IRGM: variants seen among roughly 807,000 people sequenced by gnomAD.
The protein encoded by IRGM is immunity related GTPase M.
For missense variants in IRGM, 288 were observed against 219.9 expected (o/e 1.31, Z -1.96); for synonymous variants, 98 against 80.6 (o/e 1.22, Z -1.16).
At chr5:150,896,244 T>C in intron 3 of IRGM, 1 of 1,613,732 alleles carries the variant, frequency 6.2e-7, no homozygotes, top group Non-Finnish European at 8.5e-7. Context: ...AGAGAAGGCT[T>C]TTCCACATTC....
At chr5:150,853,570 T>C (rs569603561), downstream of IRGM, among the ~76,000 whole-genome samples, 1 of 152,218 alleles carries the variant, frequency 6.6e-6, no homozygotes. Context: ...GGTTAATATA[T>C]TTTGGAGATA....
intron 1 of IRGM, among the ~76,000 whole-genome samples, chr5:150,869,414 C>A (rs1230888901): frequency 6.6e-6 from 1 of 152,098 alleles, no homozygotes; most frequent in Non-Finnish European, 1.5e-5. Context: ...TATCTATGTT[C>A]ATCGGGGATA....
intron 3 of IRGM, chr5:150,898,361 C>G (rs1466880188): frequency 8.1e-6 from 13 of 1,611,642 alleles, no homozygotes; most frequent in Non-Finnish European, 1.1e-5. Flanking sequence ...ACAATCTAAT[C>G]ACAGCAACTA....
chr5:150,848,026 C>G lies in IRGM; in HGVS notation c.-98C>G. On this transcript the variant is annotated 5_prime_UTR_variant, in exon 2 of 2. In the 5' UTR this introduces an upstream ATG that the reference lacks. Coordinates refer to ENST00000522154, the MANE Select transcript of IRGM (RefSeq NM_001145805.2). The stretch of plus-strand genomic sequence containing the variant: ...CGATGTTGGCCAGGATGGTCTCAAT[C>G]TCCTGACCTCGTGATCTGCTCGCCT... 1.1e-6 allele frequency: 1 copy of G among 929,058 alleles called. No homozygotes were observed. The highest frequency in any genetic ancestry group is 1.6e-6 in the Non-Finnish European group (1 of 623,920). The allele number at this position is 929,058 out of a possible 1,614,324, so 57.6% of individuals were successfully genotyped here.
downstream of IRGM, among the ~76,000 whole-genome samples, chr5:150,852,234 G>A (rs545403743): frequency 2.6e-5 from 4 of 152,194 alleles, no homozygotes; most frequent in African/African-American, 9.6e-5. Flanking sequence ...TCAGCTTTTG[G>A]TGTACTTCTG....
chr5:150,873,725 T>C (rs982878238), intron 1 of IRGM, among the ~76,000 whole-genome samples: 8 of 152,198 alleles, frequency 5.3e-5, no homozygotes, highest in African/African-American at 1.9e-4. Context: ...ATACTTTGCA[T>C]CTGGCAGAAC....
At chr5:150,898,007 A>G in intron 3 of IRGM, 1 of 1,573,280 alleles carries the variant, frequency 6.4e-7, no homozygotes, top group Non-Finnish European at 8.6e-7. Context: ...AAGGATAGAA[A>G]CATAAACCTC....
chr5:150,860,182 A>G (rs867536290), intron 1 of IRGM, among the ~76,000 whole-genome samples: 2 of 152,238 alleles, frequency 1.3e-5, no homozygotes, highest in African/African-American at 2.4e-5. Flanking sequence ...AACGTCTCCT[A>G]TAACATTTTT....
chr5:150,867,855 T>C (rs1179631632), intron 1 of IRGM, among the ~76,000 whole-genome samples: 2 of 152,068 alleles, frequency 1.3e-5, no homozygotes, highest in African/African-American at 2.4e-5. Flanking sequence ...TGCTGATTTC[T>C]TTTAGTTCCT....
At chr5:150,859,952 T>G (rs1386109054) in intron 1 of IRGM, among the ~76,000 whole-genome samples, 1 of 152,162 alleles carries the variant, frequency 6.6e-6, no homozygotes, top group African/African-American at 2.4e-5. Flanking sequence ...ATCTTAACAG[T>G]CACCTAGGGG....
chr5:150,861,286 TCA>T (rs1491586025), intron 1 of IRGM, among the ~76,000 whole-genome samples: 1 of 152,016 alleles, frequency 6.6e-6, no homozygotes, highest in South Asian at 2.1e-4. Context: ...AGTGGCTCTC[TCA>T]GAGTTCCTTC....
intron 3 of IRGM, among the ~76,000 whole-genome samples, chr5:150,887,102 A>C (rs1754537068): frequency 6.6e-6 from 1 of 151,972 alleles, no homozygotes; most frequent in South Asian, 2.1e-4. Context: ...AGCTGGCTGA[A>C]ATGACAGAAA....
At position 150,875,478 on chromosome 5, in the gene IRGM, T is replaced by G. The variant is rs10067487; in HGVS notation, c.159-2502T>G. On this transcript the variant is annotated intron_variant and NMD_transcript_variant, in intron 1 of 3. Coordinates refer to the IRGM transcript ENST00000520549. Reference sequence around the variant, plus strand: ...GACAAAGAAATTTGGGAAATAGGTATGTGGATGGACCTCTCTGAGTGGTCA... The same window carrying G: ...GACAAAGAAATTTGGGAAATAGGTAGGTGGATGGACCTCTCTGAGTGGTCA... Among the ~76,000 whole-genome samples the G allele has an allele frequency of 1.8e-4, 28 of 152,264 alleles. No individual in the cohort carries two copies. In the South Asian group the frequency reaches 5.4e-3, roughly 29 times the overall value.
intron 3 of IRGM, among the ~76,000 whole-genome samples, chr5:150,898,978 A>G (rs189258088): frequency 1.2e-4 from 18 of 152,232 alleles, no homozygotes; most frequent in Non-Finnish European, 2.2e-4. Context: ...ATACCTAGCC[A>G]TATGAGGTAT....
At chr5:150,868,944 C>T (rs1325707804) in intron 1 of IRGM, among the ~76,000 whole-genome samples, 1 of 152,116 alleles carries the variant, frequency 6.6e-6, no homozygotes. Context: ...GACAGTTTGA[C>T]TTTCTCTTTA....
chr5:150,878,791 A>G (rs1431320736), intron 2 of IRGM, among the ~76,000 whole-genome samples: 1 of 151,686 alleles, frequency 6.6e-6, no homozygotes, highest in Non-Finnish European at 1.5e-5. Flanking sequence ...TTATATTATT[A>G]TTATTTAAAA....
rs548962284 is a variant in IRGM at position 150,861,497 on chromosome 5, G to T, written c.158+12843G>T. On this transcript the variant is annotated intron_variant and NMD_transcript_variant, in intron 1 of 3. Coordinates refer to the IRGM transcript ENST00000520549. Reference sequence around the variant, plus strand: ...GGGACTAAATGAGGGGAACACCAGAGGGAGTTGTTCATTAGTATCATCAAT... The same window carrying T: ...GGGACTAAATGAGGGGAACACCAGATGGAGTTGTTCATTAGTATCATCAAT... 5.3e-5 allele frequency among the ~76,000 whole-genome samples: 8 copies of T among 152,302 alleles called. No individual in the cohort carries two copies. In the South Asian group the frequency reaches 1.7e-3, roughly 32 times the overall value.
At chr5:150,865,891 G>A (rs1754200783) in intron 1 of IRGM, among the ~76,000 whole-genome samples, 1 of 152,022 alleles carries the variant, frequency 6.6e-6, no homozygotes, top group Non-Finnish European at 1.5e-5. Context: ...TGGGTAGCTG[G>A]GACCACAGGC....
chr5:150,858,119 G>A (rs1189631953), intron 1 of IRGM, among the ~76,000 whole-genome samples: 2 of 152,112 alleles, frequency 1.3e-5, no homozygotes, highest in South Asian at 2.1e-4. Context: ...GTAAGGAAGG[G>A]ATCCAGTTTC....
Sources: allele counts gnomAD v4.1 joint callset (sites outside exome capture counted in the v4.1 genomes callset), GRCh38; gene constraint gnomAD v4.1.1; transcripts MANE v1.5; gene names NCBI Gene and HGNC (gene_info 2026-07-23, HGNC 2026-07-21).